SAMMSON: variants seen among roughly 807,000 people sequenced by gnomAD.
SAMMSON encodes survival associated mitochondrial melanoma specific oncogenic non-coding RNA, also known as long intergenic non-protein coding RNA 1212.
At chr3:70,130,123 G>C (rs1372346094) in intron 4 of SAMMSON, among the ~76,000 whole-genome samples, 1 of 152,174 alleles carries the variant, frequency 6.6e-6, no homozygotes, top group African/African-American at 2.4e-5. Flanking sequence ...GCTGTTCTTA[G>C]CAGGGAGTCT....
intron 4 of SAMMSON, among the ~76,000 whole-genome samples, chr3:70,150,576 A>G (rs2067567362): frequency 2.0e-5 from 3 of 152,052 alleles, no homozygotes; most frequent in South Asian, 4.1e-4. Context: ...CCCAAATACC[A>G]TATGTTTAAA....
chr3:70,101,676 G>A (rs1431033752), intron 4 of SAMMSON, among the ~76,000 whole-genome samples: 1 of 152,070 alleles, frequency 6.6e-6, no homozygotes, highest in East Asian at 1.9e-4. Flanking sequence ...CATCTGGAGA[G>A]CCTTTTACCT....
At chr3:70,390,609 A>G (rs1408183375), downstream of SAMMSON, among the ~76,000 whole-genome samples, 1 of 152,036 alleles carries the variant, frequency 6.6e-6, no homozygotes, top group Non-Finnish European at 1.5e-5. Context: ...AGATCTTGTG[A>G]GAACTCATTC....
intron 4 of SAMMSON, among the ~76,000 whole-genome samples, chr3:70,188,148 C>T (rs1701105989): frequency 6.6e-6 from 1 of 152,152 alleles, no homozygotes; most frequent in African/African-American, 2.4e-5. Flanking sequence ...TCAACCATGG[C>T]CATCTTACAG....
intron 4 of SAMMSON, among the ~76,000 whole-genome samples, chr3:70,078,106 G>T (rs2067255449): frequency 5.3e-5 from 8 of 152,156 alleles, no homozygotes; most frequent in Admixed American, 5.2e-4. Flanking sequence ...GGAAGATTTA[G>T]AAGATGGGGG....
chr3:70,094,292 C>T (rs2067316097), intron 4 of SAMMSON, among the ~76,000 whole-genome samples: 2 of 152,070 alleles, frequency 1.3e-5, no homozygotes, highest in Non-Finnish European at 2.9e-5. Context: ...CATCTAATAG[C>T]CTCAGACATC....
At chr3:70,431,063 G>A (rs970384202) in intron 2 of SAMMSON, among the ~76,000 whole-genome samples, 2 of 152,136 alleles carry the variant, frequency 1.3e-5, no homozygotes, top group Admixed American at 1.3e-4. Flanking sequence ...TGGACACTCT[G>A]TTGAGTTATT....
intron 3 of SAMMSON, among the ~76,000 whole-genome samples, chr3:70,065,860 G>T (rs1242049697): frequency 6.6e-6 from 1 of 151,990 alleles, no homozygotes; most frequent in Non-Finnish European, 1.5e-5. Context: ...ATTTTTCACC[G>T]CTGGTTGCCA....
intron 6 of SAMMSON, among the ~76,000 whole-genome samples, chr3:70,290,595 G>C (rs1407996438): frequency 6.6e-6 from 1 of 152,244 alleles, no homozygotes; most frequent in African/African-American, 2.4e-5. Flanking sequence ...CACCCAGTTC[G>C]AGTTTCCGGG....
chr3:70,193,138 C>T (rs952086909), intron 4 of SAMMSON, among the ~76,000 whole-genome samples: 7 of 152,082 alleles, frequency 4.6e-5, no homozygotes, highest in Non-Finnish European at 8.8e-5. Flanking sequence ...AGATGGTAGA[C>T]CAGAAGGAGG....
At chr3:70,043,379 G>C (rs1010286071) in intron 3 of SAMMSON, among the ~76,000 whole-genome samples, 6 of 151,886 alleles carry the variant, frequency 4.0e-5, no homozygotes, top group Non-Finnish European at 5.9e-5. Flanking sequence ...TTTTACGTTA[G>C]TTCATTATTT....
intron 4 of SAMMSON, among the ~76,000 whole-genome samples, chr3:70,081,514 A>G (rs2067268313): frequency 6.6e-6 from 1 of 152,162 alleles, no homozygotes; most frequent in African/African-American, 2.4e-5. Flanking sequence ...CAGGCTCTTC[A>G]CTCACTCCCC....
intron 6 of SAMMSON, among the ~76,000 whole-genome samples, chr3:70,269,619 T>G (rs554077366): frequency 5.9e-5 from 9 of 152,202 alleles, no homozygotes; most frequent in Non-Finnish European, 1.2e-4. Flanking sequence ...TTTTCTTTGT[T>G]CAATTAAATT....
chr3:70,033,295 G>GC (rs2067072324), intron 3 of SAMMSON, among the ~76,000 whole-genome samples: 1 of 152,080 alleles, frequency 6.6e-6, no homozygotes, highest in African/African-American at 2.4e-5. Context: ...CTGCACTTGA[G>GC]CCCCTGATTC....
At chr3:70,026,892 G>A (rs2067042570) in intron 3 of SAMMSON, among the ~76,000 whole-genome samples, 1 of 152,132 alleles carries the variant, frequency 6.6e-6, no homozygotes, top group Non-Finnish European at 1.5e-5. Flanking sequence ...CCCAGTTAAA[G>A]AAGCATCCCC....
chr3:70,414,750 G>C (rs1234282575), intron 2 of SAMMSON, among the ~76,000 whole-genome samples: 3 of 152,030 alleles, frequency 2.0e-5, no homozygotes, highest in African/African-American at 4.8e-5. Flanking sequence ...TTTATAAAAT[G>C]GACCTCATCT....
intron 6 of SAMMSON, among the ~76,000 whole-genome samples, chr3:70,268,335 C>T (rs1459543029): frequency 2.0e-5 from 3 of 152,010 alleles, no homozygotes; most frequent in Admixed American, 6.6e-5. Flanking sequence ...ATTAGCCAGG[C>T]GTGGTTGTGT....
chr3:70,028,918 C>T (rs1431455298), intron 3 of SAMMSON, among the ~76,000 whole-genome samples: 1 of 152,162 alleles, frequency 6.6e-6, no homozygotes, highest in African/African-American at 2.4e-5. Context: ...GCCCACTGAA[C>T]TCAAGCAGGT....
intron 6 of SAMMSON, among the ~76,000 whole-genome samples, chr3:70,262,365 A>T (rs9827974): frequency 1.3e-5 from 2 of 152,188 alleles, no homozygotes; most frequent in Non-Finnish European, 2.9e-5. Context: ...CATAAGTTTT[A>T]ATGAGAAAAA....
Sources: allele counts gnomAD v4.1 joint callset (sites outside exome capture counted in the v4.1 genomes callset), GRCh38; gene constraint gnomAD v4.1.1; transcripts MANE v1.5; gene names NCBI Gene and HGNC (gene_info 2026-07-23, HGNC 2026-07-21).